Variants in KRAS observed in about 807,000 individuals in gnomAD.
KRAS encodes GTPase KRas.
In KRAS, 1 loss-of-function variant was observed where a neutral mutation model predicts 21.0. The observed-to-expected ratio is 0.05, with a 90% CI of 0.02 to 0.23. KRAS has a LOEUF of 0.23. Among genes scored for constraint, KRAS ranks in the 10% least tolerant of loss-of-function variants. The pLI is 1.00. For missense variants in KRAS, 107 were observed against 221.8 expected (o/e 0.48, Z 3.29); for synonymous variants, 67 against 72.5 (o/e 0.92, Z 0.39).
chr12:25,220,844 G>C (rs1462035233), intron 4 of KRAS, among the ~76,000 whole-genome samples: 1 of 151,948 alleles, frequency 6.6e-6, no homozygotes, highest in Admixed American at 6.6e-5. Flanking sequence ...GGCCAACATG[G>C]CGAAACCCTG....
intron 2 of KRAS, chr12:25,234,677 T>A (rs771756133): frequency 2.7e-5 from 5 of 188,410 alleles, no homozygotes; most frequent in Non-Finnish European, 4.5e-5. Context: ...ATTAAATGCC[T>A]TTATTTTGAG....
chr12:25,228,459 T>TAC (rs1225180887), intron 2 of KRAS, among the ~76,000 whole-genome samples: 1 of 152,040 alleles, frequency 6.6e-6, no homozygotes, highest in Non-Finnish European at 1.5e-5. Context: ...ATATACATGC[T>TAC]ACAACACAGA....
At chr12:25,219,100 A>G (rs561743445) in intron 4 of KRAS, among the ~76,000 whole-genome samples, 45 of 151,762 alleles carry the variant, frequency 3.0e-4, no homozygotes, top group African/African-American at 9.2e-4. Context: ...CACCACACCC[A>G]GCTAATTTTT....
chr12:25,242,820 C>A (rs1338061377), intron 2 of KRAS, among the ~76,000 whole-genome samples: 1 of 152,136 alleles, frequency 6.6e-6, no homozygotes, highest in Non-Finnish European at 1.5e-5. Flanking sequence ...TTAACTTGGT[C>A]TCAGAGAATT....
chr12:25,246,777 C>T (rs371131068), intron 1 of KRAS, among the ~76,000 whole-genome samples: 2 of 151,730 alleles, frequency 1.3e-5, no homozygotes, highest in Admixed American at 1.3e-4. Flanking sequence ...ATTAGCCGGG[C>T]GTGGTGGCGG....
At position 25,250,155 on chromosome 12, in the gene KRAS, T is replaced by G. The variant is rs1430118638; in HGVS notation, c.-12+596A>C. The stretch of plus-strand genomic sequence containing the variant: ...ACAGTGGTCTCTAAGCACTTTCCTA[T>G]GCTCTTCCAAAACGTGACCTCCCCT... On this transcript the variant is annotated intron_variant, in intron 1 of 4. Coordinates refer to ENST00000311936, the MANE Select transcript of KRAS (RefSeq NM_004985.5). 3.3e-5 allele frequency among the ~76,000 whole-genome samples: 5 copies of G among 152,246 alleles called. No homozygotes were observed. In the South Asian group the frequency reaches 1.0e-3, roughly 32 times the overall value.
At chr12:25,246,146 T>C (rs1951677072) in intron 1 of KRAS, among the ~76,000 whole-genome samples, 1 of 57,390 alleles carries the variant, frequency 1.7e-5, no homozygotes, top group African/African-American at 8.0e-5. Context: ...AGACTCCGTC[T>C]CAAAAAAAAA....
intron 2 of KRAS, among the ~76,000 whole-genome samples, chr12:25,241,073 C>T (rs534444351): frequency 6.6e-5 from 10 of 152,238 alleles, no homozygotes; most frequent in African/African-American, 2.4e-4. Context: ...CCTTTTAGTC[C>T]CTTCAACAAA....
intron 1 of KRAS, among the ~76,000 whole-genome samples, chr12:25,247,944 G>A (rs1354302359): frequency 1.3e-5 from 2 of 151,968 alleles, no homozygotes; most frequent in Non-Finnish European, 2.9e-5. Context: ...ATTTTTAAAT[G>A]AATACATTTT....
chr12:25,226,661 T>C (rs926009932), intron 3 of KRAS, among the ~76,000 whole-genome samples: 23 of 152,192 alleles, frequency 1.5e-4, no homozygotes, highest in Non-Finnish European at 1.2e-4. Flanking sequence ...AATATGTAGT[T>C]TTTGGAAAAC....
intron 2 of KRAS, among the ~76,000 whole-genome samples, chr12:25,231,877 A>G (rs967383329): frequency 6.6e-6 from 1 of 152,210 alleles, no homozygotes; most frequent in Non-Finnish European, 1.5e-5. Context: ...TCTAAAAAGA[A>G]TGGATAAATA....
At chr12:25,210,169 G>C (rs1592794293) in intron 4 of KRAS, among the ~76,000 whole-genome samples, 2 of 152,064 alleles carry the variant, frequency 1.3e-5, no homozygotes, top group Non-Finnish European at 2.9e-5. Flanking sequence ...TTTAAATAAG[G>C]TAACGACTTT....
chr12:25,233,606 C>G (rs1211421751), intron 2 of KRAS, among the ~76,000 whole-genome samples: 2 of 152,202 alleles, frequency 1.3e-5, no homozygotes, highest in Admixed American at 6.5e-5. Flanking sequence ...TCTTCCTTCT[C>G]TGGTACCTCC....
chr12:25,214,243 A>G lies in KRAS; in HGVS notation c.451-4332T>C, dbSNP rs147304254. Among the ~76,000 whole-genome samples, 215 of 152,336 alleles carry G rather than the reference A, an allele frequency of 1.4e-3. 1 individual carries two copies. The highest frequency in any genetic ancestry group is 4.9e-3 in the African/African-American group (203 of 41,570). On this transcript the variant is annotated intron_variant, in intron 4 of 4. Transcript: ENST00000311936. ...AAGGGAAGGTAGGAAATAACATGGT[A>G]TTTATTTATAGAAGAACAAAAGAAA...
At chr12:25,237,780 AAAAAGTT>A (rs1443878110) in intron 2 of KRAS, among the ~76,000 whole-genome samples, 1 of 152,230 alleles carries the variant, frequency 6.6e-6, no homozygotes, top group African/African-American at 2.4e-5. Flanking sequence ...AAAGTGCTAT[AAAAAGTT>A]AACTGCATTA....
chr12:25,240,607 T>G (rs1306207568), intron 2 of KRAS, among the ~76,000 whole-genome samples: 3 of 152,206 alleles, frequency 2.0e-5, no homozygotes, highest in African/African-American at 7.2e-5. Flanking sequence ...ACAGGAAGAC[T>G]GCATGGTACA....
At chr12:25,230,521 G>A (rs570791074) in intron 2 of KRAS, among the ~76,000 whole-genome samples, 2 of 152,128 alleles carry the variant, frequency 1.3e-5, no homozygotes, top group African/African-American at 2.4e-5. Flanking sequence ...CCAGCTACTC[G>A]GGAGGCTGAG....
At chr12:25,222,322 GT>G (rs1951337301) in intron 4 of KRAS, among the ~76,000 whole-genome samples, 1 of 152,020 alleles carries the variant, frequency 6.6e-6, no homozygotes, top group South Asian at 2.1e-4. Flanking sequence ...AATCTCTACA[GT>G]TACTCGGAAT....
At chr12:25,241,013 T>C (rs1341460745) in intron 2 of KRAS, among the ~76,000 whole-genome samples, 1 of 152,132 alleles carries the variant, frequency 6.6e-6, no homozygotes, top group Non-Finnish European at 1.5e-5. Flanking sequence ...TTGGACTCCA[T>C]TAAGCAGCTC....
Sources: gnomAD v4.1 joint callset for allele counts (sites outside exome capture counted in the v4.1 genomes callset) on GRCh38, gnomAD v4.1.1 for gene constraint, MANE v1.5 for transcripts, NCBI Gene and HGNC (gene_info 2026-07-23, HGNC 2026-07-21) for gene names.